The following PRKAG2 variants were observed in gnomAD, a reference collection of about 807,000 sequenced individuals.
PRKAG2 encodes the protein protein kinase AMP-activated non-catalytic subunit gamma 2, also known as 5'-AMP-activated protein kinase subunit gamma-2.
Under a neutral mutation model 69.6 loss-of-function variants are expected in PRKAG2, and 26 were observed. That is an observed-to-expected ratio of 0.37 (90% confidence interval 0.27 to 0.52). PRKAG2 has a LOEUF of 0.52. Among genes scored for constraint, PRKAG2 ranks in the 20% least tolerant of loss-of-function variants. The pLI is 0.90. For synonymous variants in PRKAG2, 293 were observed against 285.0 expected (o/e 1.03, Z -0.28); for missense variants, 557 against 740.0 (o/e 0.75, Z 2.87).
chr7:151,847,932 T>C (rs1377812980), intron 1 of PRKAG2, among the ~76,000 whole-genome samples: 3 of 152,220 alleles, frequency 2.0e-5, no homozygotes, highest in African/African-American at 7.2e-5. Flanking sequence ...AAATCTTCCA[T>C]GGTGGGAACA....
At chr7:151,570,817 G>T (rs1347958098) in intron 9 of PRKAG2, among the ~76,000 whole-genome samples, 2 of 152,024 alleles carry the variant, frequency 1.3e-5, no homozygotes, top group African/African-American at 4.8e-5. Context: ...ACTCAGGCTG[G>T]AGTGCAGTGG....
chr7:151,804,187 TG>T (rs1008448791), intron 1 of PRKAG2, among the ~76,000 whole-genome samples: 1 of 152,174 alleles, frequency 6.6e-6, no homozygotes, highest in African/African-American at 2.4e-5. Context: ...CGTAGGGATT[TG>T]GGGGTATCCA....
chr7:151,833,858 G>A (rs1235514897), intron 1 of PRKAG2, among the ~76,000 whole-genome samples: 1 of 152,190 alleles, frequency 6.6e-6, no homozygotes, highest in Non-Finnish European at 1.5e-5. Context: ...TGTGTTCTGT[G>A]GGGTGCCCAG....
intron 3 of PRKAG2, among the ~76,000 whole-genome samples, chr7:151,761,169 T>C (rs1264432417): frequency 3.9e-5 from 6 of 152,180 alleles, no homozygotes; most frequent in Non-Finnish European, 8.8e-5. Context: ...GGGAGAAATT[T>C]AGTTTATAGT....
At chr7:151,811,535 C>T (rs1383840734) in intron 1 of PRKAG2, among the ~76,000 whole-genome samples, 2 of 152,254 alleles carry the variant, frequency 1.3e-5, no homozygotes, top group South Asian at 2.1e-4. Flanking sequence ...TGCCATCTCA[C>T]ATTAAACCCT....
chr7:151,703,607 G>C (rs1368719523), intron 3 of PRKAG2, among the ~76,000 whole-genome samples: 1 of 152,074 alleles, frequency 6.6e-6, no homozygotes, highest in African/African-American at 2.4e-5. Context: ...CCAGCACCCA[G>C]AGAAGGAAAG....
rs1380857198 is a variant in PRKAG2, at chr7:151,827,902, G to A, written c.115-41361C>T. ...TGTTCCTGATATTGTAATAGTGGAT[G>A]TGGGCGCTTCCCTGGGTTCCAGCTT... On this transcript the variant is annotated intron_variant, in intron 1 of 15. Coordinates refer to ENST00000287878, the MANE Select transcript of PRKAG2 (RefSeq NM_016203.4). 2.0e-5 allele frequency among the ~76,000 whole-genome samples: 3 copies of A among 152,296 alleles called. No homozygotes were observed. The East Asian group carries it at 5.8e-4, about 29-fold the overall frequency.
chr7:151,869,011 C>T (rs2080149209), intron 1 of PRKAG2, among the ~76,000 whole-genome samples: 1 of 152,156 alleles, frequency 6.6e-6, no homozygotes, highest in South Asian at 2.1e-4. Flanking sequence ...ATTTCTTTCG[C>T]CAGTCTAGTG....
intron 1 of PRKAG2, among the ~76,000 whole-genome samples, chr7:151,849,662 G>A (rs1418460347): frequency 1.3e-5 from 2 of 152,124 alleles, no homozygotes; most frequent in Admixed American, 6.5e-5. Flanking sequence ...TCCTAGTTCT[G>A]AGGGTCACTG....
intron 1 of PRKAG2, among the ~76,000 whole-genome samples, chr7:151,874,055 T>TG (rs2080289738): frequency 2.1e-5 from 3 of 140,080 alleles, no homozygotes; most frequent in Non-Finnish European, 4.8e-5. Context: ...TATGTATGTA[T>TG]ATGTATATGT....
At chr7:151,798,419 A>G (rs1456784909) in intron 1 of PRKAG2, among the ~76,000 whole-genome samples, 1 of 151,880 alleles carries the variant, frequency 6.6e-6, no homozygotes, top group Non-Finnish European at 1.5e-5. Context: ...GGTTCAAGCG[A>G]TTCTCATGCC....
At chr7:151,640,823 C>T (rs370813672) in intron 4 of PRKAG2, among the ~76,000 whole-genome samples, 22 of 152,286 alleles carry the variant, frequency 1.4e-4, no homozygotes, top group Non-Finnish European at 2.5e-4. Flanking sequence ...CTGAAGGGAA[C>T]GAATGACTCA....
At chr7:151,669,573 C>A (rs1368527687) in intron 4 of PRKAG2, among the ~76,000 whole-genome samples, 2 of 152,202 alleles carry the variant, frequency 1.3e-5, no homozygotes, top group Non-Finnish European at 2.9e-5. Context: ...CCATACATTT[C>A]TATGAATTAT....
intron 9 of PRKAG2, among the ~76,000 whole-genome samples, chr7:151,571,252 T>C (rs1344989752): frequency 6.6e-6 from 1 of 151,848 alleles, no homozygotes; most frequent in Admixed American, 6.6e-5. Flanking sequence ...TTTGTATTTT[T>C]AGTAGAGACA....
chr7:151,704,428 C>G (rs773690566), intron 3 of PRKAG2, among the ~76,000 whole-genome samples: 3 of 152,194 alleles, frequency 2.0e-5, no homozygotes, highest in Non-Finnish European at 4.4e-5. Context: ...TTGTGAGATG[C>G]AGCCACACTG....
rs1025858174 is a variant in PRKAG2 at position 151,780,025 on chromosome 7, C to G, written c.466+1127G>C. On this transcript the variant is annotated intron_variant, in intron 3 of 15. Transcript: ENST00000287878. This position sits in a 1 kb window ranked among gnomAD's most constrained non-coding sequence, Gnocchi z 4.2. ...GTGTAGAGCATGGTCAGGACCTGCC[C>G]CCCACAACACACACACAACCCACAG... Among the ~76,000 whole-genome samples the G allele has an allele frequency of 2.0e-5, 3 of 152,176 alleles. No homozygotes were observed. The highest frequency in any genetic ancestry group is 4.4e-5 in the Non-Finnish European group (3 of 68,030).
intron 4 of PRKAG2, among the ~76,000 whole-genome samples, chr7:151,652,481 T>G (rs543753274): frequency 6.6e-6 from 1 of 152,220 alleles, no homozygotes; most frequent in East Asian, 1.9e-4. Flanking sequence ...AAATTAATAT[T>G]TAAAAAGTTT....
intron 3 of PRKAG2, among the ~76,000 whole-genome samples, chr7:151,693,066 C>T (rs1000643632): frequency 1.3e-5 from 2 of 152,164 alleles, no homozygotes; most frequent in African/African-American, 4.8e-5. Context: ...AAAGGGAGAT[C>T]CCACTCCTTC....
chr7:151,651,330 G>A (rs1323322103), intron 4 of PRKAG2, among the ~76,000 whole-genome samples: 1 of 152,192 alleles, frequency 6.6e-6, no homozygotes, highest in East Asian at 1.9e-4. Context: ...GATAGGGCTG[G>A]GCACGGTGGC....
Sources: gnomAD v4.1 joint callset for allele counts (sites outside exome capture counted in the v4.1 genomes callset) on GRCh38, gnomAD v4.1.1 for gene constraint, Gnocchi (gnomAD v3.1) non-coding constraint, MANE v1.5 for transcripts, NCBI Gene and HGNC (gene_info 2026-07-23, HGNC 2026-07-21) for gene names.